Variants in BANK1 observed in about 807,000 individuals in gnomAD.
BANK1 encodes B-cell scaffold protein with ankyrin repeats.
Under a neutral mutation model 94.5 loss-of-function variants are expected in BANK1, and 95 were observed. The ratio of observed to expected loss-of-function variants is 1.00; its 90% CI spans 0.85 to 1.19. The LOEUF (loss-of-function observed/expected upper bound fraction) is 1.19, where lower values mean the gene tolerates loss of function less well. Ranked by LOEUF, BANK1 falls within the 50% of genes most tolerant of loss-of-function variation. BANK1 has a pLI of 0.00. For synonymous variants in BANK1, 334 were observed against 308.4 expected, an observed-to-expected ratio of 1.08 and a Z score of -0.87; for missense variants, 987 against 932.2, an observed-to-expected ratio of 1.06 and a Z score of -0.77.
chr4:101,873,121 T>G (rs1435420353), intron 5 of BANK1, among the ~76,000 whole-genome samples: 1 of 152,232 alleles, frequency 6.6e-6, no homozygotes, highest in Non-Finnish European at 1.5e-5. Context: ...CAGCCATTTT[T>G]TTTAAGAAAT....
intron 7 of BANK1, among the ~76,000 whole-genome samples, chr4:101,962,774 A>T (rs2148919604): frequency 6.6e-6 from 1 of 152,264 alleles, no homozygotes; most frequent in East Asian, 1.9e-4. Flanking sequence ...TTTTTAAAAT[A>T]TATTTTAGTG....
At chr4:101,915,805 C>A (rs1378274888) in intron 6 of BANK1, among the ~76,000 whole-genome samples, 2 of 152,034 alleles carry the variant, frequency 1.3e-5, no homozygotes, top group African/African-American at 2.4e-5. Context: ...AGCATGATAA[C>A]CTTGGCAGCA....
chr4:102,015,857 T>G (rs993702719), intron 7 of BANK1, among the ~76,000 whole-genome samples: 4 of 152,208 alleles, frequency 2.6e-5, no homozygotes, highest in Admixed American at 2.6e-4. Flanking sequence ...CCACTGTTAC[T>G]AGAATTATTT....
chr4:101,973,523 C>A (rs918639811), intron 7 of BANK1, among the ~76,000 whole-genome samples: 1 of 151,952 alleles, frequency 6.6e-6, no homozygotes, highest in African/African-American at 2.4e-5. Context: ...ACTAAACTTT[C>A]CTGCCTGAAG....
intron 6 of BANK1, among the ~76,000 whole-genome samples, chr4:101,911,088 C>A (rs1722648260): frequency 6.6e-6 from 1 of 152,184 alleles, no homozygotes; most frequent in African/African-American, 2.4e-5. Context: ...CCATTTAAAT[C>A]TCCACTTTAC....
rs780418906 is a variant in BANK1 at position 102,044,029 on chromosome 4, CT to C, written c.1969+130del. On this transcript the variant is annotated intron_variant, in intron 11 of 16. Transcript: ENST00000322953. ...AATTGTGTGCTTTATAAATCTTACT[CT>C]TTTTTTTATTATTATTATACTTTAA... 1.4e-4 allele frequency: 74 copies of C among 540,726 alleles called. No individual in the cohort carries two copies. In the Middle Eastern group the frequency reaches 1.6e-3, roughly 12 times the overall value. The allele number at this position is 540,726 out of a possible 1,614,324, so 33.5% of individuals were successfully genotyped here. A position where few individuals can be genotyped will look rare whatever the true frequency, so the allele number is the denominator to read the frequency against.
At chr4:101,797,752 C>G (rs1197776391) in intron 1 of BANK1, among the ~76,000 whole-genome samples, 3 of 152,118 alleles carry the variant, frequency 2.0e-5, no homozygotes, top group African/African-American at 4.8e-5. Context: ...ATTTCAATTT[C>G]AGATCTGTTA....
chr4:101,905,576 A>G (rs1174900559), intron 6 of BANK1, among the ~76,000 whole-genome samples: 3 of 151,910 alleles, frequency 2.0e-5, no homozygotes, highest in Non-Finnish European at 2.9e-5. Context: ...GATTTTTTCT[A>G]CATTCTTTTT....
At chr4:102,049,048 C>T (rs772778407) in intron 11 of BANK1, among the ~76,000 whole-genome samples, 1 of 152,128 alleles carries the variant, frequency 6.6e-6, no homozygotes, top group Non-Finnish European at 1.5e-5. Flanking sequence ...CTGCATTTGC[C>T]AGTGTGTTTG....
chr4:102,043,113 G>T (rs1177988981), intron 10 of BANK1, among the ~76,000 whole-genome samples: 1 of 151,970 alleles, frequency 6.6e-6, no homozygotes, highest in Non-Finnish European at 1.5e-5. Context: ...ACTCTGGGAT[G>T]TTCATTTTCT....
chr4:101,949,278 A>C (rs1468504390), intron 7 of BANK1, among the ~76,000 whole-genome samples: 1 of 152,192 alleles, frequency 6.6e-6, no homozygotes, highest in Non-Finnish European at 1.5e-5. Context: ...CAAAAAAGAA[A>C]GCAAAGATAT....
At chr4:101,886,768 G>T (rs989372691) in intron 5 of BANK1, among the ~76,000 whole-genome samples, 1 of 145,260 alleles carries the variant, frequency 6.9e-6, no homozygotes, top group South Asian at 2.4e-4. Context: ...TATTGGGGGG[G>T]GGGGCATGTT....
chr4:101,989,339 G>A (rs978155130), intron 7 of BANK1, among the ~76,000 whole-genome samples: 2 of 148,420 alleles, frequency 1.3e-5, no homozygotes, highest in South Asian at 2.2e-4. Flanking sequence ...GCTGAGGCAG[G>A]AGAATCGCTT....
chr4:101,995,398 A>G (rs758796556), intron 7 of BANK1, among the ~76,000 whole-genome samples: 6 of 152,168 alleles, frequency 3.9e-5, no homozygotes, highest in African/African-American at 1.4e-4. Context: ...TAGTGCTGCA[A>G]TAAACATGTA....
At chr4:101,936,230 TATG>T (rs1464708694) in intron 7 of BANK1, among the ~76,000 whole-genome samples, 7 of 138,236 alleles carry the variant, frequency 5.1e-5, no homozygotes, top group African/African-American at 1.5e-4. Context: ...TGTACACATA[TATG>T]ATATGTATAC....
chr4:101,838,234 C>G (rs1239719613), intron 2 of BANK1, among the ~76,000 whole-genome samples: 7 of 152,170 alleles, frequency 4.6e-5, no homozygotes, highest in African/African-American at 1.7e-4. Context: ...GGTGGGATTA[C>G]AGGCATGAAC....
At chr4:101,836,548 A>T (rs1726836605) in intron 2 of BANK1, among the ~76,000 whole-genome samples, 1 of 152,200 alleles carries the variant, frequency 6.6e-6, no homozygotes, top group Admixed American at 6.5e-5. Flanking sequence ...CTCAACCTCA[A>T]AAAAACCCCA....
chr4:102,021,317 T>G (rs1726890607), intron 7 of BANK1, among the ~76,000 whole-genome samples, 197 bp from the exon 8 acceptor site: 1 of 152,112 alleles, frequency 6.6e-6, no homozygotes. Context: ...ATTCATTGTT[T>G]ATTATAAATG....
At position 101,817,821 on chromosome 4, in the gene BANK1, C is replaced by T. The variant is rs1030286967; in HGVS notation, c.71-11987C>T. Among the ~76,000 whole-genome samples, 14 of 150,562 alleles carry T rather than the reference C, an allele frequency of 9.3e-5. No homozygotes were observed. In the East Asian group the frequency reaches 2.5e-3, roughly 27 times the overall value. ...CATAGATTTGTAAACTTTCTTAAAA[C>T]ATTATGAGATTTTTTTTTTTTGCAA... On this transcript the variant is annotated intron_variant, in intron 1 of 16. Coordinates refer to ENST00000322953, the MANE Select transcript of BANK1 (RefSeq NM_017935.5).
Sources: allele counts gnomAD v4.1 joint callset (sites outside exome capture counted in the v4.1 genomes callset), GRCh38; gene constraint gnomAD v4.1.1; transcripts MANE v1.5; gene names NCBI Gene and HGNC (gene_info 2026-07-23, HGNC 2026-07-21).